ASIC2: variants seen among roughly 807,000 people sequenced by gnomAD.
The protein encoded by ASIC2 is acid-sensing ion channel 2.
A neutral mutation model predicts 57.3 loss-of-function variants in ASIC2; 25 were observed. The ratio of observed to expected loss-of-function variants is 0.44; its 90% CI spans 0.32 to 0.61. The LOEUF (loss-of-function observed/expected upper bound fraction) is 0.61, where lower values mean the gene tolerates loss of function less well. Ranked by LOEUF, ASIC2 falls within the 20% of genes least tolerant of loss-of-function variation. The pLI is 0.06. For synonymous variants in ASIC2, 319 were observed against 307.5 expected, an observed-to-expected ratio of 1.04 and a Z score of -0.39; for missense variants, 641 against 738.1, an observed-to-expected ratio of 0.87 and a Z score of 1.52.
intron 1 of ASIC2, among the ~76,000 whole-genome samples, chr17:33,463,122 C>G (rs560911985): frequency 6.6e-6 from 1 of 152,308 alleles, no homozygotes; most frequent in East Asian, 1.9e-4. Flanking sequence ...GAATTATAGT[C>G]TCAGATTGTG....
At chr17:33,417,188 C>T (rs190576268) in intron 1 of ASIC2, among the ~76,000 whole-genome samples, 96 of 152,202 alleles carry the variant, frequency 6.3e-4, no homozygotes, top group African/African-American at 2.1e-3. Flanking sequence ...GAAGCAAGCC[C>T]AATTTTCTTA....
At chr17:33,359,522 G>A (rs887919814) in intron 1 of ASIC2, among the ~76,000 whole-genome samples, 3 of 152,168 alleles carry the variant, frequency 2.0e-5, no homozygotes, top group African/African-American at 7.2e-5. Context: ...AGCAGAACCA[G>A]AGCAAAAAAT....
At chr17:33,857,172 T>C (rs955384410) in intron 1 of ASIC2, among the ~76,000 whole-genome samples, 1 of 152,176 alleles carries the variant, frequency 6.6e-6, no homozygotes, top group Admixed American at 6.5e-5. Flanking sequence ...TAGTTCCCCA[T>C]GCCCTCGGCC....
At chr17:33,981,863 T>A (rs1905638007) in intron 1 of ASIC2, among the ~76,000 whole-genome samples, 1 of 152,222 alleles carries the variant, frequency 6.6e-6, no homozygotes, top group Admixed American at 6.5e-5. Flanking sequence ...TGCAACATTA[T>A]CTAAGGTCAC....
At chr17:33,334,794 G>A (rs546512729) in intron 1 of ASIC2, among the ~76,000 whole-genome samples, 94 of 152,322 alleles carry the variant, frequency 6.2e-4, no homozygotes, top group Non-Finnish European at 7.5e-4. Flanking sequence ...GTATTCCACA[G>A]GTGATGGGGG....
chr17:33,082,817 G>A (rs1450322672), intron 3 of ASIC2, among the ~76,000 whole-genome samples: 8 of 152,102 alleles, frequency 5.3e-5, no homozygotes, highest in African/African-American at 9.7e-5. Context: ...TCCCCATACC[G>A]CATGAATATC....
In ASIC2 at chr17:33,865,717, G is replaced by C. The variant is rs146724455; in HGVS notation, c.555+290261C>G. On this transcript the variant is annotated intron_variant, in intron 1 of 9. Coordinates refer to the ASIC2 transcript ENST00000359872. ...TACATATGTAACTAACCTGCACAATGTGCACATGTACCCTAAAACTTAGAG... is the reference window on the plus strand; with the variant it reads ...TACATATGTAACTAACCTGCACAATCTGCACATGTACCCTAAAACTTAGAG... Among the ~76,000 whole-genome samples, 17 of 144,310 alleles carry C rather than the reference G, an allele frequency of 1.2e-4. No individual in the cohort carries two copies. In the East Asian group the frequency reaches 2.1e-3, roughly 17 times the overall value. The allele number at this position is 144,310 out of a possible 152,430, so 94.7% of individuals were successfully genotyped here. A position where few individuals can be genotyped will look rare whatever the true frequency, so the allele number is the denominator to read the frequency against.
At chr17:33,466,345 A>G (rs1050828731) in intron 1 of ASIC2, among the ~76,000 whole-genome samples, 4 of 152,216 alleles carry the variant, frequency 2.6e-5, no homozygotes, top group African/African-American at 9.6e-5. Flanking sequence ...AAAAAAGGAC[A>G]CAAACAAATG....
chr17:33,657,676 TC>T (rs1183625763), intron 1 of ASIC2, among the ~76,000 whole-genome samples: 1 of 139,198 alleles, frequency 7.2e-6, no homozygotes, highest in East Asian at 2.1e-4. Flanking sequence ...CTGGGCCAGC[TC>T]CCCCGAAAGC....
chr17:33,603,243 G>A (rs919110333), intron 1 of ASIC2, among the ~76,000 whole-genome samples: 1 of 152,226 alleles, frequency 6.6e-6, no homozygotes, highest in African/African-American at 2.4e-5. Context: ...AGTGGTGGTG[G>A]TGGGAGTGGT....
chr17:33,132,037 T>G (rs936914576), intron 1 of ASIC2, among the ~76,000 whole-genome samples: 5 of 152,094 alleles, frequency 3.3e-5, no homozygotes, highest in South Asian at 2.1e-4. Flanking sequence ...TGGGTTCCCT[T>G]TATGGAGAGC....
chr17:33,425,286 G>C (rs1911178145), intron 1 of ASIC2, among the ~76,000 whole-genome samples: 1 of 152,184 alleles, frequency 6.6e-6, no homozygotes, highest in Non-Finnish European at 1.5e-5. Context: ...AATATTCAGA[G>C]AAGAAAGAAA....
At chr17:33,778,837 C>T (rs1286560683) in intron 1 of ASIC2, among the ~76,000 whole-genome samples, 1 of 152,180 alleles carries the variant, frequency 6.6e-6, no homozygotes, top group Non-Finnish European at 1.5e-5. Context: ...TCTCTCTCTT[C>T]TTCCCTTCCT....
chr17:33,464,137 G>A (rs1217719986), intron 1 of ASIC2, among the ~76,000 whole-genome samples: 1 of 152,164 alleles, frequency 6.6e-6, no homozygotes, highest in Non-Finnish European at 1.5e-5. Context: ...AGTCCTAAGA[G>A]TCTGAGACCT....
intron 1 of ASIC2, among the ~76,000 whole-genome samples, chr17:34,154,616 A>G (rs1055846840): frequency 3.3e-5 from 5 of 152,194 alleles, no homozygotes; most frequent in African/African-American, 1.2e-4. Flanking sequence ...AAAGAACCTC[A>G]GATCAAGAGG....
chr17:33,026,463 T>C (rs1165492387), intron 4 of ASIC2, among the ~76,000 whole-genome samples: 1 of 152,226 alleles, frequency 6.6e-6, no homozygotes, highest in Non-Finnish European at 1.5e-5. Context: ...CCAAGGCTAG[T>C]AGTGATGGAA....
At chr17:33,299,332 A>G (rs1489580551) in intron 1 of ASIC2, among the ~76,000 whole-genome samples, 1 of 152,208 alleles carries the variant, frequency 6.6e-6, no homozygotes, top group African/African-American at 2.4e-5. Context: ...CCAGTGTTAT[A>G]GCATCTAAGC....
chr17:33,677,286 CTT>C (rs1248752723), intron 1 of ASIC2, among the ~76,000 whole-genome samples: 1 of 152,178 alleles, frequency 6.6e-6, no homozygotes. Flanking sequence ...CAGGGTAACT[CTT>C]TTGTTAGAGG....
chr17:33,136,108 T>A (rs1264455633), intron 1 of ASIC2, among the ~76,000 whole-genome samples: 1 of 152,250 alleles, frequency 6.6e-6, no homozygotes, highest in African/African-American at 2.4e-5. Flanking sequence ...TGTGTGCTTG[T>A]GCATGTGTTC....
Sources: allele counts gnomAD v4.1 joint callset (sites outside exome capture counted in the v4.1 genomes callset), GRCh38; gene constraint gnomAD v4.1.1; transcripts MANE v1.5; gene names NCBI Gene and HGNC (gene_info 2026-07-23, HGNC 2026-07-21).